Variants in CHLSN observed in about 807,000 individuals in gnomAD.
CHLSN encodes the protein protein cholesin.
the CHLSN span, among the ~76,000 whole-genome samples, chr7:1,060,015 T>G: frequency 4.6e-5 from 5 of 109,590 alleles, no homozygotes; most frequent in Non-Finnish European, 7.4e-5. Flanking sequence ...GTGGGGCGGG[T>G]CCGTAGTGAA....
chr7:1,058,829 C>T, the CHLSN span: 1 of 381,154 alleles, frequency 2.6e-6, no homozygotes, highest in East Asian at 4.6e-5. Context: ...GTGATGAAAG[C>T]TTAGAGCCAG....
At chr7:1,058,375 C>T in the CHLSN span, 2 of 780,368 alleles carry the variant, frequency 2.6e-6, no homozygotes, top group Non-Finnish European at 4.8e-6. Context: ...CTGGCCTTCT[C>T]CAGCAGCTTT....
At chr7:1,019,211 A>AGGGG in the CHLSN span, among the ~76,000 whole-genome samples, 1 of 43,694 alleles carries the variant, frequency 2.3e-5, no homozygotes, top group Non-Finnish European at 4.3e-5. Flanking sequence ...AAAAAAAAAA[A>AGGGG]CGGGGGGGGG....
the CHLSN span, among the ~76,000 whole-genome samples, chr7:1,093,967 C>T: frequency 6.6e-6 from 1 of 152,200 alleles, no homozygotes; most frequent in East Asian, 1.9e-4. Flanking sequence ...TCCGGCCAGC[C>T]GGACCTAACC....
At chr7:1,020,038 G>C in the CHLSN span, among the ~76,000 whole-genome samples, 1 of 152,322 alleles carries the variant, frequency 6.6e-6, no homozygotes, top group African/African-American at 2.4e-5. Context: ...GCAGGTGGCC[G>C]GCCCGTCCCC....
At chr7:1,000,035 TCACACG>T in the CHLSN span, among the ~76,000 whole-genome samples, 1 of 152,218 alleles carries the variant, frequency 6.6e-6, no homozygotes, top group Non-Finnish European at 1.5e-5. Context: ...TAGACACACG[TCACACG>T]CACACGTGCA....
At chr7:1,110,753 T>C in the CHLSN span, among the ~76,000 whole-genome samples, 15 of 151,898 alleles carry the variant, frequency 9.9e-5, no homozygotes, top group Non-Finnish European at 1.5e-5. Context: ...TAAAGGCTCT[T>C]AGTTTAAGAA....
chr7:1,111,065 G>T, the CHLSN span, among the ~76,000 whole-genome samples: 1 of 152,156 alleles, frequency 6.6e-6, no homozygotes, highest in Non-Finnish European at 1.5e-5. Context: ...GACAGAGCGA[G>T]ACTCCGTCTC....
chr7:1,080,686 AACT>A, the CHLSN span, among the ~76,000 whole-genome samples: 1 of 152,246 alleles, frequency 6.6e-6, no homozygotes, highest in Non-Finnish European at 1.5e-5. Context: ...ATCATCTGAA[AACT>A]ACAGGTTCTC....
the CHLSN span, among the ~76,000 whole-genome samples, chr7:998,132 T>A: frequency 2.0e-5 from 3 of 152,152 alleles, no homozygotes; most frequent in South Asian, 2.1e-4. Context: ...AAAGGTGCAT[T>A]CAGAACAAAA....
At chr7:1,112,842 T>A in the CHLSN span, among the ~76,000 whole-genome samples, 1 of 151,972 alleles carries the variant, frequency 6.6e-6, no homozygotes, top group Non-Finnish European at 1.5e-5. Flanking sequence ...CGTAAACATC[T>A]AAACATGCAT....
At chr7:980,247 T>C in the CHLSN span, among the ~76,000 whole-genome samples, 1 of 151,384 alleles carries the variant, frequency 6.6e-6, no homozygotes, top group Non-Finnish European at 1.5e-5. Flanking sequence ...GCCTCTGATG[T>C]CAGGGGCAGG....
At chr7:1,057,544 C>G in the CHLSN span, 1 of 773,878 alleles carries the variant, frequency 1.3e-6, no homozygotes, top group African/African-American at 1.7e-5. Flanking sequence ...TTCAACGGCA[C>G]AGGGCTGGTG....
the CHLSN span, among the ~76,000 whole-genome samples, chr7:1,032,695 C>A: frequency 3.9e-5 from 6 of 152,240 alleles, no homozygotes; most frequent in East Asian, 9.6e-4. Context: ...CCGCCAGGCA[C>A]CCTCAGGTGA....
At chr7:1,006,710 C>T in the CHLSN span, among the ~76,000 whole-genome samples, 1 of 150,942 alleles carries the variant, frequency 6.6e-6, no homozygotes, top group African/African-American at 2.4e-5. Flanking sequence ...AGGGAAAGAG[C>T]GCATGACGGT....
chr7:1,089,709 T>A, the CHLSN span, among the ~76,000 whole-genome samples: 1 of 97,144 alleles, frequency 1.0e-5, no homozygotes, highest in African/African-American at 6.4e-5. Context: ...AGGCCAGCCT[T>A]TTTTTTTTTT....
chr7:990,681 C>G, the CHLSN span, among the ~76,000 whole-genome samples: 1 of 152,136 alleles, frequency 6.6e-6, no homozygotes, highest in Non-Finnish European at 1.5e-5. Flanking sequence ...GGAGGCTCGG[C>G]TGCGTCCGCT....
At chr7:1,087,129 CCCG>C in the CHLSN span, 1 of 152,238 alleles carries the variant, frequency 6.6e-6, no homozygotes, top group Non-Finnish European at 1.5e-5. Context: ...GTTCAGCGGC[CCCG>C]AGAGTCCGGG....
the CHLSN span, among the ~76,000 whole-genome samples, chr7:1,059,773 TC>T: frequency 9.5e-6 from 1 of 105,036 alleles, no homozygotes. Flanking sequence ...GTGGGGCGGG[TC>T]CGTAATGAGG....
Sources: allele counts gnomAD v4.1 joint callset (sites outside exome capture counted in the v4.1 genomes callset), GRCh38; gene constraint gnomAD v4.1.1; transcripts MANE v1.5; gene names NCBI Gene and HGNC (gene_info 2026-07-23, HGNC 2026-07-21).